The following SLC13A3 variants were observed in gnomAD, a reference collection of about 807,000 sequenced individuals.
SLC13A3 encodes the protein solute carrier family 13 member 3.
SLC13A3 carries 40 observed loss-of-function variants against 59.0 expected under a neutral mutation model. The observed-to-expected ratio is 0.68, with a 90% CI of 0.53 to 0.88. The LOEUF is 0.88. SLC13A3 is among the 40% of genes least tolerant of loss of function. The pLI is 0.00. For missense variants in SLC13A3, 699 were observed against 783.2 expected, an observed-to-expected ratio of 0.89 and a Z score of 1.28; for synonymous variants, 317 against 330.3, an observed-to-expected ratio of 0.96 and a Z score of 0.44.
intron 1 of SLC13A3, among the ~76,000 whole-genome samples, chr20:46,643,723 G>A (rs913450696): frequency 6.6e-6 from 1 of 152,180 alleles, no homozygotes; most frequent in African/African-American, 2.4e-5. Flanking sequence ...TAGCTGTCAA[G>A]AGATTAAATG....
chr20:46,587,059 A>G (rs1217089438), intron 8 of SLC13A3, among the ~76,000 whole-genome samples: 1 of 152,238 alleles, frequency 6.6e-6, no homozygotes, highest in Non-Finnish European at 1.5e-5. Flanking sequence ...AAATCATTCA[A>G]AATCAAATGG....
intron 1 of SLC13A3, among the ~76,000 whole-genome samples, chr20:46,676,627 C>A (rs551947442): frequency 1.3e-5 from 2 of 152,018 alleles, no homozygotes; most frequent in Admixed American, 1.3e-4. Flanking sequence ...ACTGTGTCAT[C>A]CAGGCTGGAG....
chr20:46,609,865 T>C (rs2062475781), intron 3 of SLC13A3, among the ~76,000 whole-genome samples: 2 of 152,182 alleles, frequency 1.3e-5, no homozygotes, highest in African/African-American at 2.4e-5. Context: ...CCTGGACCTA[T>C]AGGAGAATTC....
At position 46,667,720 on chromosome 20, in the gene SLC13A3, C is replaced by T. The variant is rs555046534; in HGVS notation, c.-31+2323G>A. ...TCAAACTGAGTTTCCTCATCTGAAACGAGAACTATAATGTGTACAGGCATA... is the reference window on the plus strand; with the variant it reads ...TCAAACTGAGTTTCCTCATCTGAAATGAGAACTATAATGTGTACAGGCATA... On this transcript the variant is annotated intron_variant, in intron 1 of 12. Coordinates refer to the SLC13A3 transcript ENST00000290317. Among the ~76,000 whole-genome samples the T allele has an allele frequency of 3.2e-4, 48 of 152,282 alleles. 1 individual carries two copies. The highest frequency in any genetic ancestry group is 7.8e-4 in the Admixed American group (12 of 15,298).
intron 1 of SLC13A3, among the ~76,000 whole-genome samples, chr20:46,675,370 C>T (rs573330071): frequency 6.6e-6 from 1 of 150,976 alleles, no homozygotes; most frequent in African/African-American, 2.4e-5. Context: ...GCTGGGACTA[C>T]AGGCGCATGC....
chr20:46,647,519 C>T (rs779367611), intron 1 of SLC13A3, among the ~76,000 whole-genome samples: 3 of 152,182 alleles, frequency 2.0e-5, no homozygotes, highest in Non-Finnish European at 4.4e-5. Flanking sequence ...CCTGGGGTAG[C>T]ATCCCAACTT....
chr20:46,664,634 A>G (rs1472379012), intron 1 of SLC13A3, among the ~76,000 whole-genome samples: 4 of 152,220 alleles, frequency 2.6e-5, no homozygotes, highest in Admixed American at 2.0e-4. Context: ...ATGTATTATA[A>G]TCAAAAGATG....
At chr20:46,669,198 G>GTTTTTC (rs1210463709) in intron 1 of SLC13A3, among the ~76,000 whole-genome samples, 1 of 152,166 alleles carries the variant, frequency 6.6e-6, no homozygotes, top group Admixed American at 6.5e-5. Flanking sequence ...TGTGTTGAGT[G>GTTTTTC]AAGGAATATA....
At chr20:46,604,081 A>T (rs1384612291) in intron 3 of SLC13A3, among the ~76,000 whole-genome samples, 1 of 152,184 alleles carries the variant, frequency 6.6e-6, no homozygotes, top group Non-Finnish European at 1.5e-5. Flanking sequence ...AGAAAGAAGA[A>T]AACAGAGCAT....
upstream of SLC13A3, among the ~76,000 whole-genome samples, chr20:46,653,854 T>C (rs1301433111): frequency 6.6e-6 from 1 of 152,166 alleles, no homozygotes; most frequent in African/African-American, 2.4e-5. Flanking sequence ...TGATAGACAT[T>C]GGGTTGTTTC....
intron 1 of SLC13A3, 76 bp downstream of exon 1, chr20:46,651,235 C>A: frequency 3.6e-6 from 5 of 1,403,410 alleles, no homozygotes; most frequent in Non-Finnish European, 3.7e-6. Context: ...CCTCAGCGGT[C>A]TCCCAACTTG....
rs552496146 is a variant in SLC13A3, at chr20:46,557,889, A to G, written c.*2133T>C. The G allele has an allele frequency of 5.3e-5, 8 of 152,224 alleles. No homozygotes were observed. Among genetic ancestry groups the G allele is most frequent in the Non-Finnish European group, 8.8e-5 (6 of 68,038 alleles). 9.4% of individuals were successfully genotyped at this position (152,224 alleles called of 1,614,324 possible). Reference sequence around the variant, plus strand: ...AAGGAGTGAACAAAGTAATGAACAAAACAGACCCCAGATCAGAGGAAGAGA... The same window carrying G: ...AAGGAGTGAACAAAGTAATGAACAAGACAGACCCCAGATCAGAGGAAGAGA... On this transcript the variant is annotated 3_prime_UTR_variant, in exon 13 of 13. Coordinates refer to ENST00000279027, the MANE Select transcript of SLC13A3 (RefSeq NM_022829.6).
At chr20:46,572,838 G>A (rs936899819) in intron 10 of SLC13A3, among the ~76,000 whole-genome samples, 2 of 152,148 alleles carry the variant, frequency 1.3e-5, no homozygotes, top group African/African-American at 2.4e-5. Context: ...CCTAAGAAGT[G>A]GGAAATCTGT....
At chr20:46,639,356 G>A (rs1445045941) in intron 1 of SLC13A3, among the ~76,000 whole-genome samples, 1 of 152,158 alleles carries the variant, frequency 6.6e-6, no homozygotes, top group East Asian at 1.9e-4. Context: ...CAGCTACTCG[G>A]GAGGCTGAGG....
At chr20:46,613,300 G>GAAATGAAT (rs2062519444) in intron 2 of SLC13A3, among the ~76,000 whole-genome samples, 160 bp downstream of exon 2, 1 of 146,076 alleles carries the variant, frequency 6.8e-6, no homozygotes, top group Admixed American at 6.8e-5. Context: ...AAATAGTAGA[G>GAAATGAAT]AAATAAATAA....
chr20:46,598,884 T>C (rs10854172), intron 4 of SLC13A3, among the ~76,000 whole-genome samples: 39,162 of 151,666 alleles, frequency 0.26, 5,640 homozygotes, highest in East Asian at 0.43. Context: ...TTCCTGGCTG[T>C]TCTTTGACCT....
At chr20:46,658,442 A>T (rs1304906452) in intron 1 of SLC13A3, among the ~76,000 whole-genome samples, 1 of 152,312 alleles carries the variant, frequency 6.6e-6, no homozygotes, top group South Asian at 2.1e-4. Context: ...GTTGTATATA[A>T]TTATTAAATT....
intron 1 of SLC13A3, among the ~76,000 whole-genome samples, chr20:46,648,942 TACACA>T (rs2062925157): frequency 8.7e-6 from 1 of 114,696 alleles, no homozygotes; most frequent in African/African-American, 3.6e-5. Flanking sequence ...CACACACACA[TACACA>T]CACACACACA....
intron 12 of SLC13A3, among the ~76,000 whole-genome samples, chr20:46,561,411 T>A (rs2061929281): frequency 6.6e-6 from 1 of 152,108 alleles, no homozygotes; most frequent in Non-Finnish European, 1.5e-5. Context: ...TGTCTCAGAT[T>A]TTTGGGGTTC....
Sources: gnomAD v4.1 joint callset for allele counts (sites outside exome capture counted in the v4.1 genomes callset) on GRCh38, gnomAD v4.1.1 for gene constraint, MANE v1.5 for transcripts, NCBI Gene and HGNC (gene_info 2026-07-23, HGNC 2026-07-21) for gene names.